Variants in AUTS2 observed in about 807,000 individuals in gnomAD.
AUTS2 encodes activator of transcription and developmental regulator AUTS2.
A neutral mutation model predicts 112.4 loss-of-function variants in AUTS2; 17 were observed. The observed-to-expected ratio is 0.15, with a 90% CI of 0.10 to 0.23. The LOEUF is 0.23. Among genes scored for constraint, AUTS2 ranks in the 10% least tolerant of loss-of-function variants. The pLI is 1.00. For synonymous variants in AUTS2, 751 were observed against 702.7 expected, an observed-to-expected ratio of 1.07 and a Z score of -1.09; for missense variants, 1,510 against 1,701.6, an observed-to-expected ratio of 0.89 and a Z score of 1.98.
At chr7:70,650,278 G>A (rs574917060) in intron 5 of AUTS2, among the ~76,000 whole-genome samples, 4 of 152,138 alleles carry the variant, frequency 2.6e-5, no homozygotes, top group South Asian at 2.1e-4. Flanking sequence ...AACAGTCACC[G>A]TCCAAGAATA....
intron 1 of AUTS2, among the ~76,000 whole-genome samples, chr7:69,860,536 A>C (rs1792930017): frequency 6.6e-6 from 1 of 152,038 alleles, no homozygotes; most frequent in African/African-American, 2.4e-5. Flanking sequence ...ACAATTTACC[A>C]GGGAACCATG....
chr7:70,340,194 A>ACACACACACC (rs942358361), intron 4 of AUTS2, among the ~76,000 whole-genome samples: 1 of 151,006 alleles, frequency 6.6e-6, no homozygotes, highest in East Asian at 1.9e-4. Context: ...ACACACACAC[A>ACACACACACC]CCCCGTAATA....
chr7:69,881,634 G>A (rs1318752599), intron 1 of AUTS2, among the ~76,000 whole-genome samples: 1 of 152,062 alleles, frequency 6.6e-6, no homozygotes, highest in African/African-American at 2.4e-5. Context: ...TCTATCAGGA[G>A]TACAAAGTAT....
intron 5 of AUTS2, among the ~76,000 whole-genome samples, chr7:70,444,546 C>T (rs1169831831): frequency 6.6e-6 from 1 of 152,068 alleles, no homozygotes; most frequent in Non-Finnish European, 1.5e-5. Context: ...AAGAAGTCCC[C>T]AGATTCAACA....
At chr7:70,467,272 G>A (rs539850729) in intron 5 of AUTS2, among the ~76,000 whole-genome samples, 45 of 152,322 alleles carry the variant, frequency 3.0e-4, no homozygotes, top group African/African-American at 9.6e-4. Context: ...TCTCATCCAA[G>A]GCCTCATACC....
rs138892884 is a variant in AUTS2 at position 69,786,191 on chromosome 7, C to T, written c.310-113095C>T. ...GTGTCTGGCTAAAGGATTGTAAATG[C>T]ACCAATCAGCACTCTGTAGAAATGC... On this transcript the variant is annotated intron_variant, in intron 1 of 18. Coordinates refer to ENST00000342771, the MANE Select transcript of AUTS2 (RefSeq NM_015570.4). Among the ~76,000 whole-genome samples the T allele has an allele frequency of 1.3e-3, 199 of 152,146 alleles. 6 individuals are homozygous for T. In the East Asian group the frequency reaches 0.036, roughly 27 times the overall value.
chr7:69,852,672 T>G (rs960886225), intron 1 of AUTS2, among the ~76,000 whole-genome samples: 3 of 151,752 alleles, frequency 2.0e-5, no homozygotes, highest in Non-Finnish European at 4.4e-5. Flanking sequence ...AGGCTGGTCT[T>G]GAACTCCTGA....
rs139274027 is a variant in AUTS2, at chr7:70,136,749, C to T, written c.660+2178C>T. On this transcript the variant is annotated intron_variant, in intron 4 of 18. Coordinates refer to ENST00000342771, the MANE Select transcript of AUTS2 (RefSeq NM_015570.4). Reference sequence around the variant, plus strand: ...GGAAATCACCTGCAGAGTCCATGAGCTATTAGCGCAATTGAACCATAACAT... The same window carrying T: ...GGAAATCACCTGCAGAGTCCATGAGTTATTAGCGCAATTGAACCATAACAT... Among the ~76,000 whole-genome samples the T allele has an allele frequency of 1.8e-3, 267 of 152,288 alleles. 1 individual carries two copies. Among genetic ancestry groups the T allele is most frequent in the African/African-American group, 5.9e-3 (245 of 41,572 alleles).
intron 1 of AUTS2, among the ~76,000 whole-genome samples, chr7:69,634,074 CGTTA>C (rs986056516): frequency 2.6e-4 from 39 of 151,666 alleles, no homozygotes; most frequent in African/African-American, 9.2e-4. Context: ...TATTGTTTCT[CGTTA>C]GTTAGTGCTT....
At chr7:69,865,922 A>G (rs1010663057) in intron 1 of AUTS2, among the ~76,000 whole-genome samples, 18 of 152,158 alleles carry the variant, frequency 1.2e-4, no homozygotes, top group Admixed American at 1.0e-3. Flanking sequence ...ACCTTTTATA[A>G]TGGTGCTTAC....
rs138592419 is a variant in AUTS2 at position 70,036,233 on chromosome 7, A to C, written c.523-81899A>C. Among the ~76,000 whole-genome samples the C allele has an allele frequency of 7.1e-3, 1,077 of 152,328 alleles. 9 individuals are homozygous for C. The highest frequency in any genetic ancestry group is 8.3e-3 in the Non-Finnish European group (562 of 68,034). ...TGTGGCTTGAAGCGTGCTAAGAGTG[A>C]GACTGGAAATGCATGCCAAGTTTGA... On this transcript the variant is annotated intron_variant, in intron 2 of 18. Transcript: ENST00000342771.
chr7:70,686,818 A>C (rs756430625), intron 5 of AUTS2, among the ~76,000 whole-genome samples: 1 of 152,196 alleles, frequency 6.6e-6, no homozygotes, highest in Non-Finnish European at 1.5e-5. Flanking sequence ...CGCACACGTG[A>C]GCCACTGCGC....
intron 1 of AUTS2, among the ~76,000 whole-genome samples, chr7:69,741,968 AAAT>A (rs1787285092): frequency 6.6e-6 from 1 of 151,880 alleles, no homozygotes; most frequent in South Asian, 2.1e-4. Context: ...CTAATTTAAA[AAAT>A]TTCTATTTTT....
At chr7:69,661,622 C>T (rs1159703551) in intron 1 of AUTS2, among the ~76,000 whole-genome samples, 2 of 152,072 alleles carry the variant, frequency 1.3e-5, no homozygotes, top group East Asian at 3.8e-4. Flanking sequence ...GGCCCATGAC[C>T]AAGGGAAAGA....
chr7:70,527,152 G>A (rs138811598), intron 5 of AUTS2, among the ~76,000 whole-genome samples: 203 of 152,254 alleles, frequency 1.3e-3, no homozygotes, highest in African/African-American at 4.6e-3. Flanking sequence ...AGGTGACATC[G>A]TCTCCAGTGA....
intron 4 of AUTS2, among the ~76,000 whole-genome samples, chr7:70,180,974 G>A (rs1809265545): frequency 1.3e-5 from 2 of 152,122 alleles, no homozygotes; most frequent in Non-Finnish European, 2.9e-5. Context: ...TTCTGAATTT[G>A]CTATTTATGT....
chr7:70,619,337 C>T (rs919976636), intron 5 of AUTS2, among the ~76,000 whole-genome samples: 1 of 152,124 alleles, frequency 6.6e-6, no homozygotes, highest in South Asian at 2.1e-4. Context: ...GGACTTTAAC[C>T]CTTTGCTGCC....
At chr7:70,192,858 G>A (rs1444946766) in intron 4 of AUTS2, among the ~76,000 whole-genome samples, 7 of 152,136 alleles carry the variant, frequency 4.6e-5, no homozygotes, top group Middle Eastern at 3.2e-3. Context: ...TGACATGGAC[G>A]GGGGGAGTCA....
intron 4 of AUTS2, among the ~76,000 whole-genome samples, chr7:70,183,843 T>TC (rs1315853563): frequency 1.3e-5 from 2 of 151,808 alleles, no homozygotes; most frequent in African/African-American, 4.8e-5. Flanking sequence ...CTTTTTTTTT[T>TC]TTTTTTGTTG....
Sources: allele counts gnomAD v4.1 joint callset (sites outside exome capture counted in the v4.1 genomes callset), GRCh38; gene constraint gnomAD v4.1.1; transcripts MANE v1.5; gene names NCBI Gene and HGNC (gene_info 2026-07-23, HGNC 2026-07-21).